The following HECTD2 variants were observed in gnomAD, a reference collection of about 807,000 sequenced individuals.
HECTD2 encodes the protein HECT domain E3 ubiquitin protein ligase 2, also known as probable E3 ubiquitin-protein ligase HECTD2.
In HECTD2, 35 loss-of-function variants were observed where a neutral mutation model predicts 103.2. The ratio of observed to expected loss-of-function variants is 0.34; its 90% CI spans 0.26 to 0.45. The LOEUF (loss-of-function observed/expected upper bound fraction) is 0.45, where lower values mean the gene tolerates loss of function less well. HECTD2 is among the 20% of genes least tolerant of loss of function. The pLI is 1.00. For missense variants in HECTD2, 596 were observed against 937.4 expected (o/e 0.64, Z 4.76); for synonymous variants, 281 against 329.9 (o/e 0.85, Z 1.61).
chr10:91,496,157 C>T, intron 14 of HECTD2, 57 bp from the exon 15 acceptor site: 2 of 1,250,204 alleles, frequency 1.6e-6, no homozygotes, highest in South Asian at 3.1e-5. Context: ...ATGCATAATT[C>T]AGAACTCATT....
At chr10:91,457,278 C>A (rs541333637) in intron 2 of HECTD2, among the ~76,000 whole-genome samples, 2 of 151,688 alleles carry the variant, frequency 1.3e-5, no homozygotes, top group Non-Finnish European at 2.9e-5. Context: ...AGAAAATAGA[C>A]GAAAAGGGAA....
intron 2 of HECTD2, among the ~76,000 whole-genome samples, chr10:91,436,912 C>G (rs1038661339): frequency 6.6e-6 from 1 of 151,894 alleles, no homozygotes; most frequent in Non-Finnish European, 1.5e-5. Flanking sequence ...TCCTTATAGA[C>G]TTATATCTTT....
intron 2 of HECTD2, among the ~76,000 whole-genome samples, chr10:91,430,684 A>T (rs1843819846): frequency 6.6e-6 from 1 of 152,030 alleles, no homozygotes; most frequent in Non-Finnish European, 1.5e-5. Context: ...CTGTTTTATC[A>T]GAGACTAGGA....
At chr10:91,502,553 C>T (rs888433529) in intron 20 of HECTD2, among the ~76,000 whole-genome samples, 2 of 151,970 alleles carry the variant, frequency 1.3e-5, no homozygotes, top group African/African-American at 4.8e-5. Flanking sequence ...ATAGCTATTT[C>T]TTCAATAGTA....
chr10:91,507,481 A>G (rs889841911), intron 20 of HECTD2, among the ~76,000 whole-genome samples: 55 of 152,348 alleles, frequency 3.6e-4, no homozygotes, highest in Non-Finnish European at 6.3e-4. Context: ...TACACCAATA[A>G]CAGACAAACA....
chr10:91,487,574 T>A lies in HECTD2; in HGVS notation c.1095-108T>A. 1.3e-6 allele frequency: 1 copy of A among 769,170 alleles called. No individual in the cohort carries two copies. Among genetic ancestry groups the A allele is most frequent in the Admixed American group, 1.8e-5 (1 of 55,140 alleles). 47.6% of individuals were successfully genotyped at this position (769,170 alleles called of 1,614,324 possible). The stretch of plus-strand genomic sequence containing the variant: ...TCATTTTGTATATGGTAAAACACAA[T>A]CCAAAAGTAATGTTTTATATTGCTA... On this transcript the variant is annotated intron_variant, in intron 10 of 20. Transcript: ENST00000298068. This position sits in a 1 kb window ranked among gnomAD's most constrained non-coding sequence, Gnocchi z 4.1.
At chr10:91,477,995 C>G (rs1845969390) in intron 5 of HECTD2, among the ~76,000 whole-genome samples, 1 of 152,126 alleles carries the variant, frequency 6.6e-6, no homozygotes, top group African/African-American at 2.4e-5. Context: ...TTGTATGCTA[C>G]ACATACCAGG....
chr10:91,456,769 A>G (rs1266430969), intron 2 of HECTD2, among the ~76,000 whole-genome samples: 2 of 152,116 alleles, frequency 1.3e-5, no homozygotes, highest in Admixed American at 1.3e-4. Flanking sequence ...AAAGTTTCAA[A>G]ACAAATATCT....
At chr10:91,466,301 C>A (rs1364485686) in intron 5 of HECTD2, among the ~76,000 whole-genome samples, 10 of 151,962 alleles carry the variant, frequency 6.6e-5, no homozygotes, top group Non-Finnish European at 2.9e-5. Flanking sequence ...TATTTTCTCA[C>A]TTCCTTTTGT....
intron 10 of HECTD2, 58 bp downstream of exon 10, chr10:91,485,361 A>T (rs1021336682): frequency 1.5e-6 from 2 of 1,328,264 alleles, no homozygotes; most frequent in African/African-American, 3.0e-5. Context: ...CAAAAGAATG[A>T]CTAGAGTTTA....
chr10:91,483,700 T>C (rs571982981), intron 8 of HECTD2, among the ~76,000 whole-genome samples: 1 of 152,088 alleles, frequency 6.6e-6, no homozygotes, highest in South Asian at 2.1e-4. Context: ...AATTAATAAA[T>C]ACAGAACCAT....
At chr10:91,499,023 A>G (rs1846789198) in intron 17 of HECTD2, 21 bp from the exon 18 acceptor site, 1 of 1,567,482 alleles carries the variant, frequency 6.4e-7, no homozygotes, top group Non-Finnish European at 8.8e-7. Flanking sequence ...ACTATTTAAG[A>G]GATGTAAAAT....
intron 1 of HECTD2, among the ~76,000 whole-genome samples, chr10:91,421,586 A>G (rs1001435370): frequency 2.0e-5 from 3 of 152,208 alleles, no homozygotes; most frequent in Non-Finnish European, 4.4e-5. Flanking sequence ...CCTGGGCTGC[A>G]TGCACCCTGG....
At chr10:91,483,215 G>A in intron 8 of HECTD2, 139 bp downstream of exon 8, 1 of 435,806 alleles carries the variant, frequency 2.3e-6, no homozygotes, top group South Asian at 4.3e-5. Flanking sequence ...TCAAAAGCCA[G>A]TTACAAAAAT....
chr10:91,475,047 C>T (rs1426218777), intron 5 of HECTD2, among the ~76,000 whole-genome samples: 2 of 152,078 alleles, frequency 1.3e-5, no homozygotes, highest in Admixed American at 1.3e-4. Flanking sequence ...AAGGAGAAGA[C>T]TAGGTTGGTA....
intron 2 of HECTD2, among the ~76,000 whole-genome samples, chr10:91,453,920 A>T (rs1266536700): frequency 6.6e-6 from 1 of 152,162 alleles, no homozygotes; most frequent in East Asian, 1.9e-4. Context: ...TAGAACAAAG[A>T]AAACTCATGG....
intron 2 of HECTD2, among the ~76,000 whole-genome samples, chr10:91,439,207 T>A (rs1478152408): frequency 1.3e-5 from 2 of 152,194 alleles, no homozygotes; most frequent in Non-Finnish European, 1.5e-5. Flanking sequence ...TTTATGGTTT[T>A]AGGTTTAATC....
chr10:91,470,226 T>C lies in HECTD2; in HGVS notation c.601-7975T>C, dbSNP rs535074159. On this transcript the variant is annotated intron_variant, in intron 5 of 20. Transcript: ENST00000298068. The stretch of plus-strand genomic sequence containing the variant: ...TTTGACCAAATGGACCTAACAGATA[T>C]CTGCAGAACTCTCCACCCCAAAACA... Among the ~76,000 whole-genome samples, 4 of 152,308 alleles carry C rather than the reference T, an allele frequency of 2.6e-5. 1 individual carries two copies. The highest frequency in any genetic ancestry group is 2.4e-5 in the African/African-American group (1 of 41,558).
At chr10:91,496,593 G>A (rs750382676) in intron 15 of HECTD2, among the ~76,000 whole-genome samples, 3 of 152,058 alleles carry the variant, frequency 2.0e-5, no homozygotes, top group Admixed American at 6.5e-5. Flanking sequence ...GCAGTAATTC[G>A]AATCCAGGCT....
Sources: allele counts gnomAD v4.1 joint callset (sites outside exome capture counted in the v4.1 genomes callset), GRCh38; gene constraint gnomAD v4.1.1; non-coding constraint Gnocchi (gnomAD v3.1); transcripts MANE v1.5; gene names NCBI Gene and HGNC (gene_info 2026-07-23, HGNC 2026-07-21).